MCC: variants seen among roughly 807,000 people sequenced by gnomAD.
MCC encodes the protein colorectal mutant cancer protein.
In MCC, 90 loss-of-function variants were observed where a neutral mutation model predicts 116.2. That is an observed-to-expected ratio of 0.77 (90% CI 0.65 to 0.92). The LOEUF (loss-of-function observed/expected upper bound fraction) is 0.92. Ranked by LOEUF, MCC falls within the 40% of genes least tolerant of loss-of-function variation. The probability of loss-of-function intolerance (pLI) is 0.00; values close to 1 mark genes in which losing one functional copy is unlikely to be tolerated. For synonymous variants in MCC, 578 were observed against 510.5 expected, an observed-to-expected ratio of 1.13 and a Z score of -1.78; for missense variants, 1,516 against 1,312.2, an observed-to-expected ratio of 1.16 and a Z score of -2.40.
At chr5:113,240,281 C>T (rs1426904420) in intron 3 of MCC, among the ~76,000 whole-genome samples, 1 of 152,092 alleles carries the variant, frequency 6.6e-6, no homozygotes, top group African/African-American at 2.4e-5. Flanking sequence ...ATACCCAGGC[C>T]TCAGGATCTA....
chr5:113,110,995 G>A (rs1038849666), intron 6 of MCC, among the ~76,000 whole-genome samples: 15 of 152,066 alleles, frequency 9.9e-5, no homozygotes, highest in African/African-American at 3.6e-4. Flanking sequence ...TGCTCTGCCC[G>A]CCTCCACCCA....
intron 7 of MCC, among the ~76,000 whole-genome samples, chr5:113,103,024 G>C (rs906330033): frequency 6.6e-6 from 1 of 152,200 alleles, no homozygotes; most frequent in Non-Finnish European, 1.5e-5. Flanking sequence ...TGAGGCAGGA[G>C]AATCGCTTGA....
intron 13 of MCC, among the ~76,000 whole-genome samples, chr5:113,065,700 C>T (rs768568680): frequency 1.1e-4 from 17 of 152,150 alleles, no homozygotes; most frequent in Non-Finnish European, 1.6e-4. Flanking sequence ...GTGACATCAA[C>T]AAGAAACAAA....
intron 1 of MCC, among the ~76,000 whole-genome samples, chr5:113,450,460 C>T (rs545688910): frequency 5.5e-4 from 83 of 152,246 alleles, no homozygotes; most frequent in African/African-American, 2.0e-3. Context: ...TGTGATGCCC[C>T]CCCAAGCCTG....
chr5:113,049,878 T>A (rs1752371137), intron 15 of MCC, among the ~76,000 whole-genome samples: 1 of 152,096 alleles, frequency 6.6e-6, no homozygotes, highest in Admixed American at 6.5e-5. Flanking sequence ...CCAAATGAAA[T>A]CAATAGAAAC....
At chr5:113,081,325 C>A (rs1036898757) in intron 11 of MCC, among the ~76,000 whole-genome samples, 1 of 152,188 alleles carries the variant, frequency 6.6e-6, no homozygotes, top group African/African-American at 2.4e-5. Flanking sequence ...CTTGGGACTT[C>A]AAAGCCTTTG....
chr5:113,320,664 G>T (rs1767402245), intron 3 of MCC, among the ~76,000 whole-genome samples: 1 of 152,214 alleles, frequency 6.6e-6, no homozygotes, highest in Middle Eastern at 3.4e-3. Flanking sequence ...AGAGTTCCTT[G>T]GCCAAACTAT....
At chr5:113,435,199 T>C (rs527275619) in intron 1 of MCC, 1 of 228,440 alleles carries the variant, frequency 4.4e-6, no homozygotes, top group Admixed American at 5.0e-5. Context: ...CACATGGGCC[T>C]GCCCATGCTT....
chr5:113,189,710 G>C lies in MCC; in HGVS notation c.628-38288C>G, dbSNP rs556406672. ...GCAGGAGGCTGGCTCCAAGTGCTCA[G>C]AGTCTAGTGGAATCACTGTTTAACC... On this transcript the variant is annotated intron_variant, in intron 3 of 18. Coordinates refer to ENST00000408903, the MANE Select transcript of MCC (RefSeq NM_001085377.2). Among the ~76,000 whole-genome samples the C allele has an allele frequency of 1.4e-4, 21 of 152,346 alleles. 1 individual carries two copies. In the South Asian group the frequency reaches 4.4e-3, roughly 32 times the overall value.
At chr5:113,467,400 T>C (rs1236768248) in intron 1 of MCC, among the ~76,000 whole-genome samples, 1 of 152,128 alleles carries the variant, frequency 6.6e-6, no homozygotes, top group African/African-American at 2.4e-5. Context: ...ACTTTCTACA[T>C]ATGGCTAGCC....
intron 3 of MCC, among the ~76,000 whole-genome samples, chr5:113,326,386 G>A (rs1767553779): frequency 6.6e-6 from 1 of 152,182 alleles, no homozygotes; most frequent in Admixed American, 6.5e-5. Flanking sequence ...AGTTCTGGAG[G>A]CTGGGAAGTC....
chr5:113,210,042 G>C (rs1763061674), intron 3 of MCC, among the ~76,000 whole-genome samples: 1 of 152,150 alleles, frequency 6.6e-6, no homozygotes, highest in African/African-American at 2.4e-5. Flanking sequence ...GAGCGTTGTT[G>C]TTCTCTTCTC....
chr5:113,142,875 G>C (rs1175892131), intron 5 of MCC, among the ~76,000 whole-genome samples: 2 of 151,926 alleles, frequency 1.3e-5, no homozygotes, highest in East Asian at 1.9e-4. Flanking sequence ...TAAGATGGAA[G>C]GGGCTCCATT....
chr5:113,368,605 C>T (rs1027011975), intron 2 of MCC, among the ~76,000 whole-genome samples: 1 of 151,674 alleles, frequency 6.6e-6, no homozygotes, highest in African/African-American at 2.4e-5. Flanking sequence ...TGATATTCTC[C>T]GTATAGGAGA....
rs752305973 is a variant in MCC, at chr5:113,063,990, T to C, written c.2207A>G (p.His736Arg). Reference sequence around the variant, plus strand: ...GCAGAAGGCTGAGCATTACCTGGTGTGGCTGTTGGAGGAAAGGCTCTCCCA... The same window carrying C: ...GCAGAAGGCTGAGCATTACCTGGTGCGGCTGTTGGAGGAAAGGCTCTCCCA... ...QPWESLSSNSHTSTTSSTASS... is the reference protein window; with the variant it reads ...QPWESLSSNSRTSTTSSTASS... The change falls in exon 14 of 19, where the codon CAC becomes CGC. Residue 736 changes from histidine (H) to arginine (R), a missense_variant. Transcript: ENST00000408903. 1 of 1,612,076 alleles carries C rather than the reference T, an allele frequency of 6.2e-7. No individual in the cohort carries two copies. Among genetic ancestry groups the C allele is most frequent in the South Asian group, 1.1e-5 (1 of 90,836 alleles).
At chr5:113,219,753 A>C (rs953712574) in intron 3 of MCC, among the ~76,000 whole-genome samples, 6 of 152,136 alleles carry the variant, frequency 3.9e-5, no homozygotes, top group Non-Finnish European at 7.4e-5. Flanking sequence ...CATGTCCCTC[A>C]ACCACAGTGG....
intron 3 of MCC, among the ~76,000 whole-genome samples, chr5:113,162,505 T>C (rs1391905593): frequency 6.6e-6 from 1 of 152,086 alleles, no homozygotes; most frequent in African/African-American, 2.4e-5. Context: ...ATCTTCTTTT[T>C]TTTTTCCCTG....
At chr5:113,372,456 A>G (rs970670510) in intron 2 of MCC, among the ~76,000 whole-genome samples, 3 of 152,194 alleles carry the variant, frequency 2.0e-5, no homozygotes, top group African/African-American at 7.2e-5. Flanking sequence ...ATACCTCAGA[A>G]ATATTTGTGA....
intron 5 of MCC, among the ~76,000 whole-genome samples, chr5:113,135,393 A>C (rs1758753235): frequency 1.0e-4 from 1 of 9,688 alleles, no homozygotes. Context: ...TCTCTACTAA[A>C]AATACAAAAA....
Sources: allele counts gnomAD v4.1 joint callset (sites outside exome capture counted in the v4.1 genomes callset), GRCh38; gene constraint gnomAD v4.1.1; transcripts MANE v1.5; gene names NCBI Gene and HGNC (gene_info 2026-07-23, HGNC 2026-07-21).